GLIS3: variants seen among roughly 807,000 people sequenced by gnomAD.
GLIS3 encodes the protein GLIS family zinc finger 3.
A neutral mutation model predicts 78.6 loss-of-function variants in GLIS3; 53 were observed. That is an observed-to-expected ratio of 0.67 (90% CI 0.54 to 0.85). The LOEUF (loss-of-function observed/expected upper bound fraction) is 0.85. Among genes scored for constraint, GLIS3 ranks in the 40% least tolerant of loss-of-function variants. GLIS3 has a pLI of 0.00. For synonymous variants in GLIS3, 684 were observed against 509.9 expected (o/e 1.34, Z -4.60); for missense variants, 1,703 against 1,231.1 (o/e 1.38, Z -5.74).
At chr9:4,335,266 A>G (rs969100944) in intron 2 of GLIS3, among the ~76,000 whole-genome samples, 2 of 152,190 alleles carry the variant, frequency 1.3e-5, no homozygotes, top group Non-Finnish European at 2.9e-5. Context: ...AATTAGAAGC[A>G]TAAGAAATAA....
At chr9:4,260,785 C>T (rs1222895332) in intron 2 of GLIS3, among the ~76,000 whole-genome samples, 1 of 151,960 alleles carries the variant, frequency 6.6e-6, no homozygotes, top group Non-Finnish European at 1.5e-5. Context: ...ACTTGTCAAA[C>T]ACTTGCTCCA....
chr9:4,171,534 T>C (rs567084515), intron 2 of GLIS3, among the ~76,000 whole-genome samples: 1 of 152,306 alleles, frequency 6.6e-6, no homozygotes, highest in East Asian at 1.9e-4. Flanking sequence ...CTTCAAAATT[T>C]GGAATAAGGA....
intron 2 of GLIS3, among the ~76,000 whole-genome samples, chr9:4,327,046 A>G (rs1167433237): frequency 6.6e-6 from 1 of 152,264 alleles, no homozygotes; most frequent in Admixed American, 6.5e-5. Context: ...ACATGAAACA[A>G]GTAATCTCAT....
intron 2 of GLIS3, among the ~76,000 whole-genome samples, chr9:4,316,851 G>C (rs990372872): frequency 7.1e-6 from 1 of 140,718 alleles, no homozygotes; most frequent in African/African-American, 2.8e-5. Context: ...TTTAATATGA[G>C]AAGTGTTGGT....
chr9:4,329,019 G>A (rs961994971), intron 2 of GLIS3, among the ~76,000 whole-genome samples: 1 of 152,226 alleles, frequency 6.6e-6, no homozygotes, highest in Middle Eastern at 3.2e-3. Context: ...AAAGGCTTAG[G>A]ATGATGAGTA....
chr9:4,154,329 T>C (rs111513296), intron 2 of GLIS3, among the ~76,000 whole-genome samples: 2 of 152,182 alleles, frequency 1.3e-5, no homozygotes, highest in Admixed American at 6.5e-5. Flanking sequence ...TTAGTCATCA[T>C]TGGAAAAGAC....
At chr9:4,320,508 C>T (rs910444741) in intron 2 of GLIS3, among the ~76,000 whole-genome samples, 5 of 152,174 alleles carry the variant, frequency 3.3e-5, no homozygotes, top group Non-Finnish European at 7.4e-5. Context: ...TCTATCAAAT[C>T]TATTTCTAAA....
chr9:4,352,102 C>T (rs771767244), upstream of GLIS3, among the ~76,000 whole-genome samples: 5 of 152,160 alleles, frequency 3.3e-5, no homozygotes, highest in South Asian at 2.1e-4. Context: ...CTCACAACTA[C>T]GATGGAAAAG....
At chr9:3,858,457 G>A (rs935209784) in intron 8 of GLIS3, among the ~76,000 whole-genome samples, 5 of 152,052 alleles carry the variant, frequency 3.3e-5, no homozygotes, top group African/African-American at 1.2e-4. Context: ...TACAAACCAT[G>A]GTTTTAGCAC....
At position 4,076,896 on chromosome 9, in the gene GLIS3, A is replaced by T. The variant is rs868845906; in HGVS notation, c.1710+40872T>A. ...ACATGGCAAAACCCTGTCTCTATCA[A>T]GAAAATATAAAAATTAGCCATGCAT... On this transcript the variant is annotated intron_variant, in intron 4 of 10. Coordinates refer to ENST00000381971, the MANE Select transcript of GLIS3 (RefSeq NM_001042413.2). 2.0e-5 allele frequency among the ~76,000 whole-genome samples: 3 copies of T among 152,254 alleles called. No homozygotes were observed. In the South Asian group the frequency reaches 6.2e-4, roughly 32 times the overall value.
chr9:3,880,032 C>T (rs894369994), intron 7 of GLIS3, among the ~76,000 whole-genome samples: 3 of 152,236 alleles, frequency 2.0e-5, no homozygotes, highest in Non-Finnish European at 2.9e-5. Flanking sequence ...CAGTGAGCCA[C>T]GGTAGGTCAG....
chr9:3,890,104 C>T (rs975307165), intron 7 of GLIS3, among the ~76,000 whole-genome samples: 1 of 152,280 alleles, frequency 6.6e-6, no homozygotes, highest in South Asian at 2.1e-4. Flanking sequence ...AATACCAAAA[C>T]AAGGAATATG....
the GLIS3 span, among the ~76,000 whole-genome samples, chr9:4,385,117 A>C: frequency 6.6e-6 from 1 of 152,212 alleles, no homozygotes; most frequent in Non-Finnish European, 1.5e-5. Context: ...CACTCCTCAG[A>C]ACAGTTTACT....
chr9:4,308,258 C>CA (rs1563927612), intron 4 of GLIS3, among the ~76,000 whole-genome samples: 1 of 151,782 alleles, frequency 6.6e-6, no homozygotes, highest in Non-Finnish European at 1.5e-5. Flanking sequence ...CTGGAAGGAA[C>CA]AGGAAGGGCA....
At chr9:4,086,058 C>T (rs1379162497) in intron 4 of GLIS3, among the ~76,000 whole-genome samples, 1 of 152,190 alleles carries the variant, frequency 6.6e-6, no homozygotes, top group African/African-American at 2.4e-5. Flanking sequence ...TTTCTTTGTC[C>T]TTACACGAGT....
chr9:4,437,386 T>C, the GLIS3 span, among the ~76,000 whole-genome samples: 1 of 151,530 alleles, frequency 6.6e-6, no homozygotes, highest in South Asian at 2.2e-4. Flanking sequence ...ATTTTCTAAA[T>C]TTTCTAGGTA....
chr9:4,440,938 AT>A, the GLIS3 span, among the ~76,000 whole-genome samples: 14 of 148,988 alleles, frequency 9.4e-5, no homozygotes, highest in East Asian at 6.0e-4. Flanking sequence ...TGTTTTCTTA[AT>A]TTTTTTTTCA....
chr9:4,241,174 C>T (rs1014015918), intron 2 of GLIS3, among the ~76,000 whole-genome samples: 1 of 152,146 alleles, frequency 6.6e-6, no homozygotes, highest in African/African-American at 2.4e-5. Context: ...CATTCAACTC[C>T]AGACTGGATG....
chr9:4,037,687 TA>T (rs1824451455), intron 4 of GLIS3, among the ~76,000 whole-genome samples: 1 of 152,008 alleles, frequency 6.6e-6, no homozygotes. Context: ...AAATAGGTAA[TA>T]ACCTTGCCAA....
Sources: gnomAD v4.1 joint callset for allele counts (sites outside exome capture counted in the v4.1 genomes callset) on GRCh38, gnomAD v4.1.1 for gene constraint, MANE v1.5 for transcripts, NCBI Gene and HGNC (gene_info 2026-07-23, HGNC 2026-07-21) for gene names.